The following NOXA1 variants were observed in gnomAD, a reference collection of about 807,000 sequenced individuals.
NOXA1 encodes NCF2-like protein.
A neutral mutation model predicts 64.8 loss-of-function variants in NOXA1; 56 were observed. The observed-to-expected ratio is 0.86, with a 90% CI of 0.70 to 1.08. The LOEUF (loss-of-function observed/expected upper bound fraction) is 1.08. NOXA1 is among the 50% of genes least tolerant of loss of function. The probability of loss-of-function intolerance (pLI) is 0.00; values close to 1 mark genes in which losing one functional copy is unlikely to be tolerated. For synonymous variants in NOXA1, 295 were observed against 294.8 expected, an observed-to-expected ratio of 1.00 and a Z score of -0.01; for missense variants, 668 against 658.5, an observed-to-expected ratio of 1.01 and a Z score of -0.16.
rs747096080 is a variant in NOXA1, at chr9:137,429,352, T to C, written c.581T>C (p.Leu194Ser). The C allele has an allele frequency of 1.3e-4, 210 of 1,583,436 alleles. No individual in the cohort carries two copies. The highest frequency in any genetic ancestry group is 2.6e-6 in the Non-Finnish European group (3 of 1,166,106). Residue 194 changes from leucine (L) to serine (S), a missense_variant, in exon 5 of 14, where the codon TTG becomes TCG. By Grantham distance (145) the Leu-to-Ser change is moderately radical (BLOSUM62 -2). Transcript: ENST00000683555. ...FRPHRWHLKHLEPVDFLGKAK... is the reference protein window; with the variant it reads ...FRPHRWHLKHSEPVDFLGKAK... ...CCCCACCGGTGGCACCTGAAGCACT[T>C]GGAGCCCGTGGATTTCCTGGGCAAG...
At chr9:137,426,386 T>A (rs1423514911) in intron 2 of NOXA1, 56 bp downstream of exon 2, 10 of 1,408,566 alleles carry the variant, frequency 7.1e-6, no homozygotes, top group Middle Eastern at 1.8e-4. Flanking sequence ...CCCTGCAGAG[T>A]CCACTCCTGC....
At chr9:137,429,593 G>A (rs930828459) in intron 5 of NOXA1, among the ~76,000 whole-genome samples, 4 of 152,176 alleles carry the variant, frequency 2.6e-5, no homozygotes, top group Non-Finnish European at 4.4e-5. Flanking sequence ...CACTAGAGCC[G>A]GCTGCATAGG....
At chr9:137,424,838 AC>A in intron 1 of NOXA1, among the ~76,000 whole-genome samples, 1 of 152,336 alleles carries the variant, frequency 6.6e-6, no homozygotes, top group East Asian at 1.9e-4. Context: ...TAACCCAGTC[AC>A]TTGTGCTCTT....
At chr9:137,425,763 G>A (rs1426014587) in intron 1 of NOXA1, among the ~76,000 whole-genome samples, 1 of 151,926 alleles carries the variant, frequency 6.6e-6, no homozygotes, top group African/African-American at 2.4e-5. Flanking sequence ...AGCCAAGGTT[G>A]CCTGAGGTCA....
intron 2 of NOXA1, among the ~76,000 whole-genome samples, chr9:137,426,859 C>G (rs931854134): frequency 2.0e-5 from 3 of 152,168 alleles, no homozygotes; most frequent in African/African-American, 7.2e-5. Context: ...TGCAATTGTG[C>G]GATCTCGGCT....
chr9:137,433,970 C>A lies in NOXA1; in HGVS notation c.1185C>A (p.Ala395=). 1 of 1,546,372 alleles carries A rather than the reference C, an allele frequency of 6.5e-7. No homozygotes were observed. ...AGCCCACTCTCCTGCCTCAGGGAGCCGGGGGTCGGCCGGTCCTCTACCAGG... is the reference window on the plus strand; with the variant it reads ...AGCCCACTCTCCTGCCTCAGGGAGCAGGGGGTCGGCCGGTCCTCTACCAGG... ...PRGLQLQCRG[A]GGRPVLYQVV... The change falls in exon 13 of 14, where the codon GCC becomes GCA. Residue 395 remains alanine, a synonymous_variant. Coordinates refer to ENST00000683555, the MANE Select transcript of NOXA1 (RefSeq NM_001256067.2).
chr9:137,430,650 C>T (rs1408387860), intron 5 of NOXA1, 134 bp from the exon 6 acceptor site: 10 of 643,380 alleles, frequency 1.6e-5, no homozygotes, highest in Admixed American at 3.3e-5. Context: ...GTCTGGCAGA[C>T]GTGGGCCGGG....
At chr9:137,428,290 A>G (rs1838927503) in intron 3 of NOXA1, 149 bp downstream of exon 3, 1 of 623,284 alleles carries the variant, frequency 1.6e-6, no homozygotes, top group East Asian at 2.8e-5. Context: ...GACCCGCAGG[A>G]GGTTCTGGTG....
At chr9:137,429,424 C>G (rs369422394) in intron 5 of NOXA1, 41 bp downstream of exon 5, 101 of 1,394,688 alleles carry the variant, frequency 7.2e-5, no homozygotes, top group Non-Finnish European at 9.0e-5. Context: ...GCGGCTGGTG[C>G]TGAGCCCTCG....
rs746595589 is a variant in NOXA1 at position 137,426,303 on chromosome 9, G to A, written c.233G>A (p.Arg78Gln). The change falls in exon 2 of 14, where the codon CGA (arginine) becomes CAA (glutamine). Residue 78 changes from arginine (R) to glutamine (Q), a missense_variant. Coordinates refer to ENST00000683555, the MANE Select transcript of NOXA1 (RefSeq NM_001256067.2). ...DTCMAVGFFQ[R>Q]GVANFQLARF... ...TGCATGGCGGTTGGCTTCTTCCAGCGAGGAGTGGCCAACTTCCAGCTGGCA... is the reference window on the plus strand; with the variant it reads ...TGCATGGCGGTTGGCTTCTTCCAGCAAGGAGTGGCCAACTTCCAGCTGGCA... 12 of 1,613,646 alleles carry A rather than the reference G, an allele frequency of 7.4e-6. No homozygotes were observed. The highest frequency in any genetic ancestry group is 3.3e-5 in the South Asian group (3 of 91,090).
rs901705215 is a variant in NOXA1, at chr9:137,433,189, T to C, written c.851-16T>C. The C allele has an allele frequency of 6.2e-7, 1 of 1,609,470 alleles. No homozygotes were observed. Among genetic ancestry groups the C allele is most frequent in the Non-Finnish European group, 8.5e-7 (1 of 1,178,566 alleles). The stretch of plus-strand genomic sequence containing the variant: ...TTTGGTGGTAGTGGCTGTGTCAGTC[T>C]TGCTCTGTCCTACAGGGCTGCCGGC... On this transcript the variant is annotated splice_polypyrimidine_tract_variant and intron_variant, in intron 9 of 13. Transcript: ENST00000683555.
intron 1 of NOXA1, among the ~76,000 whole-genome samples, chr9:137,424,010 G>T (rs1025333941): frequency 3.9e-5 from 6 of 152,194 alleles, no homozygotes; most frequent in African/African-American, 1.4e-4. Flanking sequence ...TGCGCCTGTG[G>T]TCATGGCCGG....
At chr9:137,426,013 C>G (rs1588461253) in intron 1 of NOXA1, among the ~76,000 whole-genome samples, 1 of 152,306 alleles carries the variant, frequency 6.6e-6, no homozygotes, top group African/African-American at 2.4e-5. Flanking sequence ...TTAGCAGCAC[C>G]TCAGTGGGCT....
At chr9:137,430,125 C>A (rs537191686) in intron 5 of NOXA1, among the ~76,000 whole-genome samples, 8 of 150,196 alleles carry the variant, frequency 5.3e-5, no homozygotes, top group Middle Eastern at 3.4e-3. Context: ...GTGTCCCTGC[C>A]ACAGATAGCG....
At chr9:137,426,036 C>T (rs770211390) in intron 1 of NOXA1, among the ~76,000 whole-genome samples, 8 of 149,112 alleles carry the variant, frequency 5.4e-5, no homozygotes, top group Non-Finnish European at 1.0e-4. Flanking sequence ...GCGCCTTGGA[C>T]GGGTTGGGGT....
At chr9:137,433,177 G>C in intron 9 of NOXA1, 28 bp from the exon 10 acceptor site, 3 of 1,609,528 alleles carry the variant, frequency 1.9e-6, no homozygotes, top group Non-Finnish European at 2.5e-6. Context: ...GGTGGTAGTG[G>C]CTGTGTCAGT....
intron 3 of NOXA1, among the ~76,000 whole-genome samples, chr9:137,428,522 G>A (rs898379075): frequency 5.9e-5 from 9 of 151,886 alleles, no homozygotes; most frequent in African/African-American, 9.7e-5. Flanking sequence ...GAAATGCATC[G>A]CCCTGAAGCC....
Position 137,434,024 on chromosome 9 carries a change from G to A in NOXA1, c.1239G>A (p.Gln413=). The A allele has an allele frequency of 6.4e-7, 1 of 1,571,442 alleles. No individual in the cohort carries two copies. The highest frequency in any genetic ancestry group is 1.7e-4 in the Middle Eastern group (1 of 5,982). Residue 413 remains glutamine, a synonymous_variant, in exon 13 of 14, where the codon CAG becomes CAA. Transcript: ENST00000683555. Reference sequence around the variant, plus strand: ...TGGCCCAGCACAGCTACTCCGCCCAGGGGCCAGAGGACCTGGGCTTCCGAC... The same window carrying A: ...TGGCCCAGCACAGCTACTCCGCCCAAGGGCCAGAGGACCTGGGCTTCCGAC... ...QVVAQHSYSA[Q]GPEDLGFRQG...
intron 2 of NOXA1, among the ~76,000 whole-genome samples, chr9:137,426,823 GC>G: frequency 6.6e-6 from 1 of 152,350 alleles, no homozygotes; most frequent in East Asian, 1.9e-4. Flanking sequence ...TTGAGAAGGA[GC>G]CTTGCTCTGT....
Sources: gnomAD v4.1 joint callset for allele counts (sites outside exome capture counted in the v4.1 genomes callset) on GRCh38, gnomAD v4.1.1 for gene constraint, MANE v1.5 for transcripts, NCBI Gene and HGNC (gene_info 2026-07-23, HGNC 2026-07-21) for gene names.